PBRM1: variants seen among roughly 807,000 people sequenced by gnomAD.
PBRM1 encodes the protein polybromo 1, also known as protein polybromo-1.
In PBRM1, 27 loss-of-function variants were observed where a neutral mutation model predicts 194.5. The ratio of observed to expected loss-of-function variants is 0.14; its 90% CI spans 0.10 to 0.19. PBRM1 has a LOEUF of 0.19. Among genes scored for constraint, PBRM1 ranks in the 10% least tolerant of loss-of-function variants. The pLI, the probability that PBRM1 is intolerant of heterozygous loss-of-function variation, is 1.00. For missense variants in PBRM1, 1,466 were observed against 2,077.2 expected (o/e 0.71, Z 5.72); for synonymous variants, 655 against 693.2 (o/e 0.94, Z 0.87).
At chr3:52,620,854 ATTACTAGAGTCAC>A (rs2095246427) in intron 13 of PBRM1, among the ~76,000 whole-genome samples, 1 of 152,204 alleles carries the variant, frequency 6.6e-6, no homozygotes, top group African/African-American at 2.4e-5. Context: ...CAAAATTTCT[ATTACTAGAGTCAC>A]TTATGACCTT....
Position 52,644,751 on chromosome 3 carries a change from C to CT in PBRM1, c.851dup (p.Ala285GlyfsTer2). On this transcript the variant is annotated frameshift_variant, in exon 8 of 30. Transcript: ENST00000296302. LOFTEE classifies it high-confidence loss of function. ...CCATTTCATGATGTTCAATTTCAGCCTTTTTCATATAAAATATTTTTTTAA... is the reference window on the plus strand; with the variant it reads ...CCATTTCATGATGTTCAATTTCAGCCTTTTTTCATATAAAATATTTTTTTAA... 2 of 1,556,698 alleles carry CT rather than the reference C, an allele frequency of 1.3e-6. No individual in the cohort carries two copies. The highest frequency in any genetic ancestry group is 1.4e-5 in the African/African-American group (1 of 73,564).
At chr3:52,578,446 C>T (rs546657860) in intron 21 of PBRM1, among the ~76,000 whole-genome samples, 27 of 152,262 alleles carry the variant, frequency 1.8e-4, no homozygotes, top group African/African-American at 5.5e-4. Flanking sequence ...CACCTAAGGA[C>T]CTACAACTAA....
intron 25 of PBRM1, among the ~76,000 whole-genome samples, chr3:52,559,631 A>T (rs963247215): frequency 1.3e-4 from 20 of 152,160 alleles, no homozygotes; most frequent in Non-Finnish European, 7.3e-5. Flanking sequence ...GGGGGAAAAT[A>T]GCTCGAGGTC....
At chr3:52,596,254 A>G (rs1335844860) in intron 17 of PBRM1, among the ~76,000 whole-genome samples, 2 of 151,850 alleles carry the variant, frequency 1.3e-5, no homozygotes, top group African/African-American at 4.8e-5. Context: ...CCTGGCCAAC[A>G]TGGTGAAACC....
intron 25 of PBRM1, among the ~76,000 whole-genome samples, chr3:52,559,550 C>T (rs1204388243): frequency 3.3e-5 from 5 of 152,198 alleles, no homozygotes; most frequent in African/African-American, 1.2e-4. Flanking sequence ...ATGGCCCTAA[C>T]TCCTGATATC....
rs979651622 is a variant in PBRM1 at position 52,610,497 on chromosome 3, G to A, written c.1925-542C>T. On this transcript the variant is annotated intron_variant, in intron 15 of 29. Coordinates refer to ENST00000296302, the Ensembl canonical transcript of PBRM1. ...AGTTTTAAAATACTAATTCCAAATA[G>A]TAATGTTGAGGAGCCCTCACCTTTC... Among the ~76,000 whole-genome samples, 9 of 152,274 alleles carry A rather than the reference G, an allele frequency of 5.9e-5. No individual in the cohort carries two copies. In the East Asian group the frequency reaches 1.5e-3, roughly 26 times the overall value.
intron 27 of PBRM1, 76 bp downstream of exon 29, chr3:52,554,648 C>T: frequency 7.4e-7 from 1 of 1,347,192 alleles, no homozygotes; most frequent in Non-Finnish European, 1.0e-6. Context: ...CGGGTGCCTC[C>T]TGGAACAACT....
At chr3:52,595,108 C>T (rs187513988) in intron 17 of PBRM1, among the ~76,000 whole-genome samples, 89 of 152,240 alleles carry the variant, frequency 5.8e-4, no homozygotes, top group Non-Finnish European at 1.1e-3. Context: ...GGCACTCTGG[C>T]TTCTGAATTG....
chr3:52,576,469 G>T, intron 22 of PBRM1, 72 bp downstream of exon 24: 2 of 1,185,156 alleles, frequency 1.7e-6, no homozygotes, highest in Non-Finnish European at 2.4e-6. Flanking sequence ...CTAGAACAGT[G>T]CCCCACAGAA....
At chr3:52,668,719 G>T (rs1244077349) in intron 2 of PBRM1, 74 bp from the exon 4 acceptor site, 9 of 748,676 alleles carry the variant, frequency 1.2e-5, no homozygotes, top group Non-Finnish European at 1.6e-5. Context: ...AACTATTTAT[G>T]GTAATGTTCA....
chr3:52,545,441 A>G (rs562141443), downstream of PBRM1: 9 of 232,490 alleles, frequency 3.9e-5, no homozygotes, highest in South Asian at 1.1e-3. Context: ...CATACATGTT[A>G]TAAGACTAGT....
intron 22 of PBRM1, among the ~76,000 whole-genome samples, chr3:52,565,260 C>T (rs970187106): frequency 6.6e-6 from 1 of 151,514 alleles, no homozygotes; most frequent in Non-Finnish European, 1.5e-5. Flanking sequence ...AATCCCAGCA[C>T]TTTGGGAGGC....
chr3:52,685,787 CGACCGCCGCGCCCCGCCCCGT>C (rs2097304716), exon 1 of PBRM1: 1 of 286,046 alleles, frequency 3.5e-6, no homozygotes, highest in African/African-American at 2.3e-5. Flanking sequence ...CCGCGGTCAC[CGACCGCCGCGCCCCGCCCCGT>C]GGCCGCCACG....
At chr3:52,602,190 T>C (rs1174434726) in intron 17 of PBRM1, among the ~76,000 whole-genome samples, 4 of 152,202 alleles carry the variant, frequency 2.6e-5, no homozygotes, top group Non-Finnish European at 4.4e-5. Flanking sequence ...CTGTTTTTCA[T>C]CAATTTGAGA....
At chr3:52,557,900 G>A (rs1400695721) in intron 26 of PBRM1, among the ~76,000 whole-genome samples, 3 of 152,174 alleles carry the variant, frequency 2.0e-5, no homozygotes, top group Non-Finnish European at 4.4e-5. Context: ...CTAGTTTTGT[G>A]TTTTCTCTTG....
chr3:52,637,561 A>T (rs746881156), intron 10 of PBRM1, among the ~76,000 whole-genome samples: 6 of 151,840 alleles, frequency 4.0e-5, no homozygotes, highest in Non-Finnish European at 8.8e-5. Flanking sequence ...TGAGCCTCGG[A>T]GGTGGAGGTT....
At chr3:52,637,778 A>AAAAAAAAAAAAAAAAAAAAT (rs2095879526) in intron 10 of PBRM1, among the ~76,000 whole-genome samples, 1 of 141,926 alleles carries the variant, frequency 7.0e-6, no homozygotes, top group Non-Finnish European at 1.6e-5. Flanking sequence ...AAATACAAAA[A>AAAAAAAAAAAAAAAAAAAAT]AAAAAAAAAA....
At chr3:52,658,647 C>T (rs2096656824) in intron 4 of PBRM1, among the ~76,000 whole-genome samples, 1 of 152,082 alleles carries the variant, frequency 6.6e-6, no homozygotes, top group Admixed American at 6.6e-5. Flanking sequence ...CCACTTCGGC[C>T]TCTCAAAGTG....
At chr3:52,637,903 G>A (rs1243886591) in intron 10 of PBRM1, among the ~76,000 whole-genome samples, 4 of 151,582 alleles carry the variant, frequency 2.6e-5, no homozygotes, top group East Asian at 1.9e-4. Flanking sequence ...CGGGGATTGC[G>A]CCATTGCACT....
Sources: allele counts gnomAD v4.1 joint callset (sites outside exome capture counted in the v4.1 genomes callset), GRCh38; gene constraint gnomAD v4.1.1; transcripts MANE v1.5; gene names NCBI Gene and HGNC (gene_info 2026-07-23, HGNC 2026-07-21).